The following AGAP1 variants were observed in gnomAD, a reference collection of about 807,000 sequenced individuals.
AGAP1 encodes the protein arf-GAP with GTPase, ANK repeat and PH domain-containing protein 1.
In AGAP1, 29 loss-of-function variants were observed where a neutral mutation model predicts 105.3. The ratio of observed to expected loss-of-function variants is 0.28; its 90% CI spans 0.21 to 0.38. The LOEUF is 0.38. AGAP1 is among the 10% of genes least tolerant of loss of function. The pLI is 1.00. For missense variants in AGAP1, 998 were observed against 1,165.1 expected (o/e 0.86, Z 2.09); for synonymous variants, 509 against 485.9 (o/e 1.05, Z -0.63).
rs1187823308 is a variant in AGAP1 at position 236,090,069 on chromosome 2, G to A, written c.2115-30123G>A. ...TGAGTGGAGTTGCAGGGAGGAGCAC[G>A]TGTTTACCAGGAAACCCACTGCTCT... On this transcript the variant is annotated intron_variant, in intron 16 of 17. Transcript: ENST00000304032. The surrounding 1 kb of genome is among the most constrained non-coding windows in gnomAD (Gnocchi z 4.3). Among the ~76,000 whole-genome samples the A allele has an allele frequency of 1.3e-5, 2 of 152,152 alleles. No individual in the cohort carries two copies. The highest frequency in any genetic ancestry group is 1.9e-4 in the East Asian group (1 of 5,188).
chr2:235,616,603 T>G (rs1946314708), intron 1 of AGAP1, among the ~76,000 whole-genome samples: 1 of 152,186 alleles, frequency 6.6e-6, no homozygotes, highest in African/African-American at 2.4e-5. Flanking sequence ...CTAGATTGAT[T>G]AAACTCGTTA....
chr2:235,599,725 A>G lies in AGAP1; in HGVS notation c.163+104876A>G, dbSNP rs919370773. On this transcript the variant is annotated intron_variant, in intron 1 of 17. Coordinates refer to ENST00000304032, the MANE Select transcript of AGAP1 (RefSeq NM_001037131.3). The surrounding 1 kb of genome is among the most constrained non-coding windows in gnomAD (Gnocchi z 5.3). ...TCCTCCAGTGCCCTTTCTGGGTCCCACGTGATTCTACCTGATCGCTGGCTC... is the reference window on the plus strand; with the variant it reads ...TCCTCCAGTGCCCTTTCTGGGTCCCGCGTGATTCTACCTGATCGCTGGCTC... Among the ~76,000 whole-genome samples, 2 of 151,988 alleles carry G rather than the reference A, an allele frequency of 1.3e-5. No individual in the cohort carries two copies. The highest frequency in any genetic ancestry group is 2.9e-5 in the Non-Finnish European group (2 of 67,988).
rs1379344601 is a variant in AGAP1 at position 236,097,620 on chromosome 2, C to T, written c.2115-22572C>T. Among the ~76,000 whole-genome samples, 8 of 151,812 alleles carry T rather than the reference C, an allele frequency of 5.3e-5. No homozygotes were observed. The South Asian group carries it at 6.2e-4, about 12-fold the overall frequency. On this transcript the variant is annotated intron_variant, in intron 16 of 17. Coordinates refer to ENST00000304032, the MANE Select transcript of AGAP1 (RefSeq NM_001037131.3). Reference sequence around the variant, plus strand: ...GTTGGCCAGGCTGGTCTCAGCCAGGCGCAGTGTCTCACGCCTGTAATGCTG... The same window carrying T: ...GTTGGCCAGGCTGGTCTCAGCCAGGTGCAGTGTCTCACGCCTGTAATGCTG...
At chr2:235,859,246 T>TC (rs1158036557) in intron 9 of AGAP1, among the ~76,000 whole-genome samples, 1 of 152,080 alleles carries the variant, frequency 6.6e-6, no homozygotes, top group Non-Finnish European at 1.5e-5. Context: ...TAACTCCCTC[T>TC]CCACCCATAA....
Position 235,564,781 on chromosome 2 carries a change from C to T in AGAP1, c.163+69932C>T, listed in dbSNP as rs9653217. ...AGGTGTGAGCCTGGACCAGCACCCACGGCCAGGTGTGAGCCTGGACCAGCA... is the reference window on the plus strand; with the variant it reads ...AGGTGTGAGCCTGGACCAGCACCCATGGCCAGGTGTGAGCCTGGACCAGCA... On this transcript the variant is annotated intron_variant, in intron 1 of 17. Coordinates refer to ENST00000304032, the MANE Select transcript of AGAP1 (RefSeq NM_001037131.3). Among the ~76,000 whole-genome samples, 44 of 102,410 alleles carry T rather than the reference C, an allele frequency of 4.3e-4. 1 individual carries two copies. Among genetic ancestry groups the T allele is most frequent in the Admixed American group, 2.6e-3 (28 of 10,940 alleles). 67.2% of individuals were successfully genotyped at this position (102,410 alleles called of 152,430 possible).
intron 4 of AGAP1, among the ~76,000 whole-genome samples, chr2:235,743,504 C>G (rs1407636405): frequency 1.3e-5 from 2 of 152,174 alleles, no homozygotes; most frequent in Non-Finnish European, 2.9e-5. Flanking sequence ...CTGGCACTCT[C>G]TGTGGGAGCT....
intron 13 of AGAP1, among the ~76,000 whole-genome samples, chr2:236,004,963 A>G (rs1324354428): frequency 2.0e-5 from 3 of 152,250 alleles, no homozygotes; most frequent in Non-Finnish European, 4.4e-5. Flanking sequence ...ACTGAAATGA[A>G]TGGAAGAAAA....
intron 1 of AGAP1, among the ~76,000 whole-genome samples, chr2:235,542,221 G>GC (rs541325607): frequency 1.3e-4 from 19 of 146,060 alleles, no homozygotes; most frequent in East Asian, 1.2e-3. Flanking sequence ...GGGTCCCGGG[G>GC]GGGGGCCAGT....
At chr2:235,760,089 A>T (rs888420644) in intron 6 of AGAP1, among the ~76,000 whole-genome samples, 2 of 152,192 alleles carry the variant, frequency 1.3e-5, no homozygotes, top group African/African-American at 4.8e-5. Context: ...AAATACAAAT[A>T]CAGAAGATGG....
At chr2:235,778,124 G>A (rs985265054) in intron 6 of AGAP1, among the ~76,000 whole-genome samples, 6 of 152,062 alleles carry the variant, frequency 3.9e-5, no homozygotes, top group Non-Finnish European at 8.8e-5. Flanking sequence ...CAGCTGGGTG[G>A]CCCCTCTGTC....
chr2:236,103,429 T>TCC (rs1287356938), intron 16 of AGAP1, among the ~76,000 whole-genome samples: 3 of 152,046 alleles, frequency 2.0e-5, no homozygotes, highest in Non-Finnish European at 2.9e-5. Context: ...GCTGGGCCAC[T>TCC]CCCCGCCCCC....
Position 235,898,931 on chromosome 2 carries a change from T to G in AGAP1, c.1156-9807T>G, listed in dbSNP as rs2050933603. Reference sequence around the variant, plus strand: ...TGTGGTTATCAGTGAATTATCTGATTCATTTGAATGGAATCTAATACAAGG... The same window carrying G: ...TGTGGTTATCAGTGAATTATCTGATGCATTTGAATGGAATCTAATACAAGG... On this transcript the variant is annotated intron_variant, in intron 10 of 17. Transcript: ENST00000304032. Among the ~76,000 whole-genome samples, 3 of 152,200 alleles carry G rather than the reference T, an allele frequency of 2.0e-5. No homozygotes were observed. In the South Asian group the frequency reaches 6.2e-4, roughly 32 times the overall value.
intron 5 of AGAP1, among the ~76,000 whole-genome samples, chr2:235,748,129 A>C (rs1387262780): frequency 6.6e-6 from 1 of 152,248 alleles, no homozygotes; most frequent in South Asian, 2.1e-4. Context: ...AAAGCTACGG[A>C]GTTAAAAGTG....
At chr2:236,102,215 A>T (rs1055550311) in intron 16 of AGAP1, among the ~76,000 whole-genome samples, 11 of 152,246 alleles carry the variant, frequency 7.2e-5, no homozygotes, top group South Asian at 6.2e-4. Context: ...CAGGAGATCG[A>T]GACCATCCTG....
rs181824711 is a variant in AGAP1 at position 236,105,488 on chromosome 2, T to C, written c.2115-14704T>C. Among the ~76,000 whole-genome samples, 32 of 151,622 alleles carry C rather than the reference T, an allele frequency of 2.1e-4. No homozygotes were observed. Among genetic ancestry groups the C allele is most frequent in the African/African-American group, 6.3e-4 (26 of 41,310 alleles). On this transcript the variant is annotated intron_variant, in intron 16 of 17. Transcript: ENST00000304032. This position sits in a 1 kb window ranked among gnomAD's most constrained non-coding sequence, Gnocchi z 4.2. ...TGGTGAGGGGCCTCTTCCTGGCTTA[T>C]AGACAGATGCCTCTTGCAGTGTCCT...
Position 235,553,589 on chromosome 2 carries a change from G to A in AGAP1, c.163+58740G>A, listed in dbSNP as rs1943881352. On this transcript the variant is annotated intron_variant, in intron 1 of 17. Coordinates refer to ENST00000304032, the MANE Select transcript of AGAP1 (RefSeq NM_001037131.3). The surrounding 1 kb of genome is among the most constrained non-coding windows in gnomAD (Gnocchi z 4.5). Reference sequence around the variant, plus strand: ...TCTCTGGCCTGTTGGCTCACATTTGGGGGTGTGGCATTTGTGCGTGAAGTG... The same window carrying A: ...TCTCTGGCCTGTTGGCTCACATTTGAGGGTGTGGCATTTGTGCGTGAAGTG... 6.6e-6 allele frequency among the ~76,000 whole-genome samples: 1 copy of A among 152,038 alleles called. No individual in the cohort carries two copies. Among genetic ancestry groups the A allele is most frequent in the South Asian group, 2.1e-4 (1 of 4,804 alleles).
chr2:235,546,595 T>C (rs1943628316), intron 1 of AGAP1, among the ~76,000 whole-genome samples: 1 of 152,092 alleles, frequency 6.6e-6, no homozygotes, highest in South Asian at 2.1e-4. Context: ...TCTTAGCAGC[T>C]AGTGGTGACG....
In AGAP1 at chr2:235,967,544, T is replaced by G. The variant is rs955793231; in HGVS notation, c.1484-918T>G. ...CCAAGCATCTTGAAAAGCCGCTGGCTCACAGTCAGTGCTCAAAAAATACCA... is the reference window on the plus strand; with the variant it reads ...CCAAGCATCTTGAAAAGCCGCTGGCGCACAGTCAGTGCTCAAAAAATACCA... On this transcript the variant is annotated intron_variant, in intron 12 of 17. Transcript: ENST00000304032. This position sits in a 1 kb window ranked among gnomAD's most constrained non-coding sequence, Gnocchi z 4.7. 1.3e-5 allele frequency among the ~76,000 whole-genome samples: 2 copies of G among 152,216 alleles called. No homozygotes were observed. The highest frequency in any genetic ancestry group is 2.9e-5 in the Non-Finnish European group (2 of 68,044).
intron 1 of AGAP1, chr2:235,671,153 A>G: frequency 8.3e-7 from 1 of 1,206,794 alleles, no homozygotes. Flanking sequence ...CCGGGTCGGG[A>G]GCCTGCACGT....
Sources: allele counts gnomAD v4.1 joint callset (sites outside exome capture counted in the v4.1 genomes callset), GRCh38; gene constraint gnomAD v4.1.1; non-coding constraint Gnocchi (gnomAD v3.1); transcripts MANE v1.5; gene names NCBI Gene and HGNC (gene_info 2026-07-23, HGNC 2026-07-21).